THRB: variants seen among roughly 807,000 people sequenced by gnomAD.
THRB encodes thyroid hormone receptor beta.
A neutral mutation model predicts 47.8 loss-of-function variants in THRB; 12 were observed. The ratio of observed to expected loss-of-function variants is 0.25; its 90% CI spans 0.16 to 0.41. The LOEUF (loss-of-function observed/expected upper bound fraction) is 0.41, where lower values mean the gene tolerates loss of function less well. Among genes scored for constraint, THRB ranks in the 10% least tolerant of loss-of-function variants. The pLI is 1.00. For synonymous variants in THRB, 218 were observed against 212.2 expected (o/e 1.03, Z -0.24); for missense variants, 348 against 589.2 (o/e 0.59, Z 4.24).
At chr3:24,140,534 G>T (rs2035297124) in intron 8 of THRB, among the ~76,000 whole-genome samples, 1 of 151,958 alleles carries the variant, frequency 6.6e-6, no homozygotes, top group Admixed American at 6.6e-5. Flanking sequence ...TCACTGCCTG[G>T]TGGTCTCAGA....
intron 4 of THRB, among the ~76,000 whole-genome samples, chr3:24,202,190 A>G (rs1293060844): frequency 2.0e-5 from 3 of 152,216 alleles, no homozygotes; most frequent in Non-Finnish European, 1.5e-5. Context: ...TATGGCTCAG[A>G]GAGGTCACAT....
chr3:24,139,084 A>G (rs1471877096), intron 8 of THRB, among the ~76,000 whole-genome samples: 1 of 152,166 alleles, frequency 6.6e-6, no homozygotes, highest in African/African-American at 2.4e-5. Flanking sequence ...TTCTCTTCTC[A>G]GCCTGCTTCT....
chr3:24,481,240 T>TG (rs1560296581), intron 1 of THRB, among the ~76,000 whole-genome samples: 4 of 146,026 alleles, frequency 2.7e-5, no homozygotes, highest in Admixed American at 6.7e-5. Context: ...TTTTTTTTTT[T>TG]TTTTTTTTTT....
At chr3:24,477,981 G>A in intron 1 of THRB, among the ~76,000 whole-genome samples, 1 of 151,218 alleles carries the variant, frequency 6.6e-6, no homozygotes, top group East Asian at 1.9e-4. Flanking sequence ...AAAGAGTGTG[G>A]AATATGTATT....
chr3:24,309,344 C>T (rs934651669), intron 2 of THRB, among the ~76,000 whole-genome samples: 8 of 152,316 alleles, frequency 5.3e-5, no homozygotes, highest in African/African-American at 1.9e-4. Context: ...TCTTTACTCT[C>T]TTTGAGTTTG....
At position 24,146,706 on chromosome 3, in the gene THRB, C is replaced by T. The variant is rs776089338; in HGVS notation, c.501G>A (p.Lys167=). 6.2e-7 allele frequency: 1 copy of T among 1,614,206 alleles called. No individual in the cohort carries two copies. The highest frequency in any genetic ancestry group is 2.2e-5 in the East Asian group (1 of 44,888). The change falls in exon 7 of 11, where the codon AAG becomes AAA. Residue 167 remains lysine, a synonymous_variant. Transcript: ENST00000646209. ...TTGCCATGCCAACATAGATGCATTTCTTAAAGCGACATTCCTGGCACTGAT... is the reference window on the plus strand; with the variant it reads ...TTGCCATGCCAACATAGATGCATTTTTTAAAGCGACATTCCTGGCACTGAT... The part of the protein sequence containing the change: ...TRNQCQECRF[K]KCIYVGMATD...
chr3:24,189,777 A>G (rs901253122), intron 5 of THRB, among the ~76,000 whole-genome samples: 3 of 152,214 alleles, frequency 2.0e-5, no homozygotes, highest in African/African-American at 7.2e-5. Flanking sequence ...CAGACCCAAA[A>G]ATGGAATTAA....
chr3:24,302,072 T>C (rs2056982133), intron 2 of THRB, among the ~76,000 whole-genome samples: 1 of 152,236 alleles, frequency 6.6e-6, no homozygotes, highest in Non-Finnish European at 1.5e-5. Flanking sequence ...AGCCGCTAGG[T>C]TGGTGATAAT....
At chr3:24,417,069 T>C (rs1309686698) in intron 1 of THRB, among the ~76,000 whole-genome samples, 1 of 150,402 alleles carries the variant, frequency 6.6e-6, no homozygotes, top group East Asian at 2.0e-4. Flanking sequence ...ATATTTATCC[T>C]CCATTGACTC....
chr3:24,138,822 G>T (rs1053441191), intron 8 of THRB, among the ~76,000 whole-genome samples: 2 of 152,142 alleles, frequency 1.3e-5, no homozygotes, highest in Non-Finnish European at 2.9e-5. Context: ...CAGTATCTCT[G>T]CCAGGGAAAA....
At chr3:24,317,767 C>T (rs181894535) in intron 2 of THRB, among the ~76,000 whole-genome samples, 12 of 152,282 alleles carry the variant, frequency 7.9e-5, no homozygotes, top group Admixed American at 7.8e-4. Context: ...GGAAAGAAGT[C>T]TAACTTCAGC....
At chr3:24,281,119 C>A (rs915654516) in intron 3 of THRB, among the ~76,000 whole-genome samples, 1 of 152,036 alleles carries the variant, frequency 6.6e-6, no homozygotes, top group Non-Finnish European at 1.5e-5. Flanking sequence ...AAGAGCAACA[C>A]CAAGACACAT....
In THRB at chr3:24,147,021, C is replaced by A. The variant is rs2036183805; in HGVS notation, c.385-199G>T. On this transcript the variant is annotated intron_variant, in intron 6 of 10. Transcript: ENST00000646209. ...AGTTCTAAATCTGAGCTGATGATGC[C>A]ATAGGACTACAGAGTCAACACCTTT... 1.3e-5 allele frequency among the ~76,000 whole-genome samples: 2 copies of A among 152,136 alleles called. No individual in the cohort carries two copies. The highest frequency in any genetic ancestry group is 2.1e-4 in the South Asian group (1 of 4,830).
rs571503638 is a variant in THRB, at chr3:24,132,701, C to T, written c.885+615G>A. 5.3e-5 allele frequency among the ~76,000 whole-genome samples: 8 copies of T among 152,296 alleles called. 1 individual carries two copies. In the South Asian group the frequency reaches 1.7e-3, roughly 32 times the overall value. On this transcript the variant is annotated intron_variant, in intron 9 of 10. Transcript: ENST00000646209. ...TCCGGTGGGACAGCTCTACAGGGTGCCCTGAAGATGGGACAAGCAAGAGTG... is the reference window on the plus strand; with the variant it reads ...TCCGGTGGGACAGCTCTACAGGGTGTCCTGAAGATGGGACAAGCAAGAGTG...
chr3:24,317,776 G>T (rs1431684959), intron 2 of THRB, among the ~76,000 whole-genome samples: 1 of 152,208 alleles, frequency 6.6e-6, no homozygotes, highest in African/African-American at 2.4e-5. Flanking sequence ...TCTAACTTCA[G>T]CCAGGTTCAG....
chr3:24,235,778 G>A (rs1357509663), intron 3 of THRB, among the ~76,000 whole-genome samples: 1 of 152,172 alleles, frequency 6.6e-6, no homozygotes, highest in Admixed American at 6.5e-5. Context: ...TTGAGCAAAC[G>A]TGACTAGATG....
rs1030835918 is a variant in THRB at position 24,133,303 on chromosome 3, A to T, written c.885+13T>A. ...AATTAAGAATAATGCAGAAGGAAAA[A>T]CAACATCCTCACCTCACAAAACATA... On this transcript the variant is annotated intron_variant, in intron 9 of 10. Transcript: ENST00000646209. The T allele has an allele frequency of 1.2e-6, 2 of 1,613,952 alleles. No individual in the cohort carries two copies. Among genetic ancestry groups the T allele is most frequent in the African/African-American group, 2.7e-5 (2 of 75,044 alleles).
At chr3:24,486,765 T>C (rs893775945) in intron 1 of THRB, among the ~76,000 whole-genome samples, 2 of 152,196 alleles carry the variant, frequency 1.3e-5, no homozygotes, top group African/African-American at 4.8e-5. Context: ...ACTTAACTTG[T>C]TTCAAAAAAT....
chr3:24,464,166 A>T (rs1475565212), intron 1 of THRB, among the ~76,000 whole-genome samples: 7 of 152,156 alleles, frequency 4.6e-5, no homozygotes, highest in Non-Finnish European at 1.5e-5. Flanking sequence ...GAATGGCGTG[A>T]ACCCGGGAGG....
Sources: gnomAD v4.1 joint callset for allele counts (sites outside exome capture counted in the v4.1 genomes callset) on GRCh38, gnomAD v4.1.1 for gene constraint, MANE v1.5 for transcripts, NCBI Gene and HGNC (gene_info 2026-07-23, HGNC 2026-07-21) for gene names.